Variants in ATP6V0A4 observed in about 807,000 individuals in gnomAD.
ATP6V0A4 encodes the protein ATPase H+ transporting V0 subunit a4.
Under a neutral mutation model 107.3 loss-of-function variants are expected in ATP6V0A4, and 86 were observed. That is an observed-to-expected ratio of 0.80 (90% confidence interval 0.67 to 0.96). ATP6V0A4 has a LOEUF of 0.96. ATP6V0A4 is among the 40% of genes least tolerant of loss of function. ATP6V0A4 has a pLI of 0.00. For synonymous variants in ATP6V0A4, 353 were observed against 381.4 expected (o/e 0.93, Z 0.87); for missense variants, 908 against 1,045.6 (o/e 0.87, Z 1.81).
At chr7:138,734,110 G>A (rs746120812) in intron 16 of ATP6V0A4, 26 bp downstream of exon 16, 15 of 1,590,458 alleles carry the variant, frequency 9.4e-6, no homozygotes, top group Non-Finnish European at 1.3e-5. Flanking sequence ...AGACAGAGCA[G>A]GCAGAGAGTG....
intron 2 of ATP6V0A4, among the ~76,000 whole-genome samples, chr7:138,775,118 G>C (rs1807600434): frequency 6.6e-6 from 1 of 151,714 alleles, no homozygotes; most frequent in East Asian, 1.9e-4. Context: ...GGCCTTAGAA[G>C]GTACCCCAGA....
intron 1 of ATP6V0A4, among the ~76,000 whole-genome samples, chr7:138,797,607 T>C (rs1808744299): frequency 6.6e-6 from 1 of 152,100 alleles, no homozygotes; most frequent in Non-Finnish European, 1.5e-5. Context: ...AAGCCATTCC[T>C]CAAACACGGT....
At chr7:138,732,137 G>A (rs1362172817) in intron 17 of ATP6V0A4, among the ~76,000 whole-genome samples, 1 of 152,102 alleles carries the variant, frequency 6.6e-6, no homozygotes, top group Non-Finnish European at 1.5e-5. Context: ...TGTGAATACA[G>A]GGCTTTGTCT....
intron 1 of ATP6V0A4, among the ~76,000 whole-genome samples, chr7:138,793,415 T>C (rs1029389422): frequency 3.3e-5 from 5 of 152,218 alleles, no homozygotes; most frequent in African/African-American, 1.2e-4. Flanking sequence ...AAATATTGAA[T>C]GCAAAAGTTG....
At chr7:138,734,071 C>T in intron 16 of ATP6V0A4, 65 bp downstream of exon 16, 5 of 1,531,458 alleles carry the variant, frequency 3.3e-6, no homozygotes, top group Non-Finnish European at 9.0e-7. Context: ...AAACCAGTGG[C>T]TCTGTCACCA....
intron 19 of ATP6V0A4, among the ~76,000 whole-genome samples, chr7:138,721,069 G>A (rs889423840): frequency 6.6e-6 from 1 of 152,200 alleles, no homozygotes; most frequent in Non-Finnish European, 1.5e-5. Context: ...TCCAGCTTGG[G>A]ATTCACAAAT....
intron 18 of ATP6V0A4, among the ~76,000 whole-genome samples, chr7:138,726,589 G>A (rs919218817): frequency 2.0e-5 from 3 of 152,240 alleles, no homozygotes; most frequent in Admixed American, 6.5e-5. Context: ...AAGTCCGTCA[G>A]AACAAATTGT....
At chr7:138,747,736 C>T in intron 12 of ATP6V0A4, 172 bp from the exon 13 acceptor site, 1 of 1,072,294 alleles carries the variant, frequency 9.3e-7, no homozygotes, top group Non-Finnish European at 1.3e-6. Context: ...TAAATGAGTG[C>T]ATCTGTTCCT....
intron 16 of ATP6V0A4, among the ~76,000 whole-genome samples, chr7:138,733,658 C>A (rs116653485): frequency 0.034 from 5,064 of 147,708 alleles, 227 homozygotes; most frequent in East Asian, 0.12. Context: ...GGCTCACTGC[C>A]ACCTCTGCCT....
intron 15 of ATP6V0A4, among the ~76,000 whole-genome samples, chr7:138,738,484 T>C (rs1805459933): frequency 2.0e-5 from 3 of 152,178 alleles, no homozygotes; most frequent in Admixed American, 2.0e-4. Flanking sequence ...CTCCACCTGC[T>C]TACTAAACAT....
At chr7:138,793,374 C>T (rs1808514648) in intron 1 of ATP6V0A4, among the ~76,000 whole-genome samples, 1 of 152,170 alleles carries the variant, frequency 6.6e-6, no homozygotes, top group Admixed American at 6.5e-5. Flanking sequence ...TGTCAAAATT[C>T]CGTATTTGTT....
At chr7:138,747,401 G>T in intron 13 of ATP6V0A4, 24 bp downstream of exon 13, 3 of 1,610,464 alleles carry the variant, frequency 1.9e-6, no homozygotes, top group Non-Finnish European at 2.5e-6. Context: ...ATGAATCAGG[G>T]CAAGACGGTC....
intron 1 of ATP6V0A4, among the ~76,000 whole-genome samples, chr7:138,788,111 CA>C (rs1442384778): frequency 1.3e-5 from 2 of 152,162 alleles, no homozygotes; most frequent in East Asian, 3.9e-4. Context: ...TCCAAACAAT[CA>C]TTGACTTGAC....
At chr7:138,729,280 G>T (rs1804869647) in intron 17 of ATP6V0A4, among the ~76,000 whole-genome samples, 1 of 152,118 alleles carries the variant, frequency 6.6e-6, no homozygotes, top group Non-Finnish European at 1.5e-5. Context: ...GTACTCAAAA[G>T]TCCTTGGGTC....
chr7:138,757,871 A>G (rs1218843378), intron 8 of ATP6V0A4, among the ~76,000 whole-genome samples: 1 of 152,224 alleles, frequency 6.6e-6, no homozygotes, highest in Non-Finnish European at 1.5e-5. Context: ...AAATACTATC[A>G]AAATGAATCC....
chr7:138,775,451 G>A (rs1239201022), intron 2 of ATP6V0A4, among the ~76,000 whole-genome samples: 1 of 151,892 alleles, frequency 6.6e-6, no homozygotes, highest in African/African-American at 2.4e-5. Flanking sequence ...TTAATTCTAG[G>A]ATTCAAGTTT....
chr7:138,772,662 G>C (rs768573764), intron 2 of ATP6V0A4, among the ~76,000 whole-genome samples: 1 of 152,212 alleles, frequency 6.6e-6, no homozygotes. Flanking sequence ...AAGTTTAACT[G>C]TGAAACTGGG....
At chr7:138,736,889 C>T (rs989117935) in intron 15 of ATP6V0A4, among the ~76,000 whole-genome samples, 8 of 151,468 alleles carry the variant, frequency 5.3e-5, no homozygotes, top group Non-Finnish European at 1.0e-4. Context: ...TTATTATATG[C>T]GTTTTATAGG....
rs556575580 is a variant in ATP6V0A4, at chr7:138,764,470, GA to G, written c.292-1446del. 5.9e-5 allele frequency among the ~76,000 whole-genome samples: 9 copies of G among 152,020 alleles called. No individual in the cohort carries two copies. The South Asian group carries it at 1.7e-3, about 28-fold the overall frequency. On this transcript the variant is annotated intron_variant, in intron 5 of 21. Coordinates refer to ENST00000310018, the MANE Select transcript of ATP6V0A4 (RefSeq NM_020632.3). Reference sequence around the variant, plus strand: ...AGATAAAACTTTAAAGGCTATCAGGGAAAAAAAGGACATATATCCACAAAGG... The same window carrying G: ...AGATAAAACTTTAAAGGCTATCAGGGAAAAAAGGACATATATCCACAAAGG...
Sources: gnomAD v4.1 joint callset for allele counts (sites outside exome capture counted in the v4.1 genomes callset) on GRCh38, gnomAD v4.1.1 for gene constraint, MANE v1.5 for transcripts, NCBI Gene and HGNC (gene_info 2026-07-23, HGNC 2026-07-21) for gene names.